ADAMTSL1: variants seen among roughly 807,000 people sequenced by gnomAD.
ADAMTSL1 encodes ADAMTS like 1, also known as ADAMTS-like protein 1.
ADAMTSL1 carries 126 observed loss-of-function variants against 201.8 expected under a neutral mutation model. The observed-to-expected ratio is 0.62, with a 90% CI of 0.54 to 0.72. ADAMTSL1 has a LOEUF of 0.72. ADAMTSL1 is among the 30% of genes least tolerant of loss of function. The pLI, the probability that ADAMTSL1 is intolerant of heterozygous loss-of-function variation, is 0.00. For synonymous variants in ADAMTSL1, 1,121 were observed against 903.4 expected (o/e 1.24, Z -4.32); for missense variants, 2,679 against 2,277.8 (o/e 1.18, Z -3.59).
chr9:17,965,160 T>C (rs1033966095), intron 1 of ADAMTSL1, among the ~76,000 whole-genome samples: 4 of 152,198 alleles, frequency 2.6e-5, no homozygotes, highest in Non-Finnish European at 4.4e-5. Flanking sequence ...TGCAGGCTTG[T>C]AATTTATATT....
intron 4 of ADAMTSL1, among the ~76,000 whole-genome samples, chr9:18,581,722 A>G (rs1409282435): frequency 6.6e-6 from 1 of 152,202 alleles, no homozygotes; most frequent in Non-Finnish European, 1.5e-5. Flanking sequence ...CAAAAAGGGA[A>G]AAACACCAAA....
chr9:18,523,623 G>A (rs866933960), intron 2 of ADAMTSL1, among the ~76,000 whole-genome samples: 3,324 of 150,716 alleles, frequency 0.022, 113 homozygotes, highest in African/African-American at 0.077. Context: ...TTTGTATAAG[G>A]TGTAAGGAAG....
chr9:18,144,141 CTATT>C (rs1826521029), intron 1 of ADAMTSL1, among the ~76,000 whole-genome samples: 1 of 152,124 alleles, frequency 6.6e-6, no homozygotes, highest in African/African-American at 2.4e-5. Context: ...AGTGATGTTT[CTATT>C]AAGGCTATGG....
chr9:18,843,687 G>A (rs1305650148), intron 23 of ADAMTSL1, among the ~76,000 whole-genome samples: 1 of 150,768 alleles, frequency 6.6e-6, no homozygotes, highest in East Asian at 1.9e-4. Context: ...AGACGTAGAT[G>A]TGGTCTTTTC....
intron 1 of ADAMTSL1, among the ~76,000 whole-genome samples, chr9:18,029,279 A>G (rs1411170415): frequency 6.6e-6 from 1 of 152,122 alleles, no homozygotes; most frequent in Non-Finnish European, 1.5e-5. Context: ...TGCCCTGGCC[A>G]GAACAAAGCC....
intron 1 of ADAMTSL1, among the ~76,000 whole-genome samples, chr9:18,151,072 A>G (rs1826887597): frequency 6.6e-6 from 1 of 151,904 alleles, no homozygotes; most frequent in Non-Finnish European, 1.5e-5. Context: ...ATTCTGGAAA[A>G]TGTGTTATGG....
intron 15 of ADAMTSL1, among the ~76,000 whole-genome samples, chr9:18,733,669 C>T (rs1384761796): frequency 1.4e-5 from 2 of 141,412 alleles, no homozygotes; most frequent in Non-Finnish European, 3.1e-5. Context: ...TCTCTCTCTG[C>T]CCCCCACCCC....
intron 2 of ADAMTSL1, among the ~76,000 whole-genome samples, chr9:18,351,408 T>G (rs907274541): frequency 6.6e-6 from 1 of 152,178 alleles, no homozygotes; most frequent in African/African-American, 2.4e-5. Flanking sequence ...GTCATATCTT[T>G]GACCAGATGA....
rs578088189 is a variant in ADAMTSL1 at position 18,894,479 on chromosome 9, C to T, written c.4851+1883C>T. ...ATGAGAATGAAGGTATTGAGCAGTACCAATGGAGAGGAATCCATTTCCTCT... is the reference window on the plus strand; with the variant it reads ...ATGAGAATGAAGGTATTGAGCAGTATCAATGGAGAGGAATCCATTTCCTCT... On this transcript the variant is annotated intron_variant, in intron 26 of 28. Transcript: ENST00000380548. Among the ~76,000 whole-genome samples, 74 of 150,862 alleles carry T rather than the reference C, an allele frequency of 4.9e-4. No homozygotes were observed. The South Asian group carries it at 5.0e-3, about 10-fold the overall frequency.
chr9:18,776,667 T>C, intron 18 of ADAMTSL1, 114 bp from the exon 19 acceptor site: 1 of 1,240,962 alleles, frequency 8.1e-7, no homozygotes, highest in Non-Finnish European at 1.1e-6. Flanking sequence ...TCGTCTCTCC[T>C]TCTCTTCTCC....
intron 2 of ADAMTSL1, among the ~76,000 whole-genome samples, chr9:18,523,776 G>A (rs1218150808): frequency 2.1e-5 from 3 of 139,686 alleles, no homozygotes; most frequent in Non-Finnish European, 3.1e-5. Context: ...ATTTCTGAGG[G>A]CTCTGTTCTG....
intron 2 of ADAMTSL1, among the ~76,000 whole-genome samples, chr9:18,180,532 C>A (rs867987310): frequency 8.6e-3 from 788 of 91,658 alleles, no homozygotes; most frequent in African/African-American, 0.019. Flanking sequence ...GACTCCGTGT[C>A]AAAAAAAAAA....
intron 2 of ADAMTSL1, among the ~76,000 whole-genome samples, chr9:18,410,487 G>A (rs574135449): frequency 1.3e-3 from 196 of 152,210 alleles, no homozygotes; most frequent in Non-Finnish European, 2.0e-3. Flanking sequence ...TTGGTTTTCC[G>A]TTCCTGTGTT....
chr9:18,072,884 TA>T (rs1743194866), intron 1 of ADAMTSL1, among the ~76,000 whole-genome samples: 1 of 152,230 alleles, frequency 6.6e-6, no homozygotes, highest in Non-Finnish European at 1.5e-5. Context: ...GATGAGACGA[TA>T]TTTTTCCTTT....
chr9:18,364,416 CA>C (rs1212511839), intron 2 of ADAMTSL1, among the ~76,000 whole-genome samples: 3 of 152,172 alleles, frequency 2.0e-5, no homozygotes, highest in African/African-American at 7.2e-5. Context: ...GATAATGCCT[CA>C]GGGGTAGAAG....
intron 2 of ADAMTSL1, among the ~76,000 whole-genome samples, chr9:18,437,726 C>G (rs376143749): frequency 6.6e-6 from 1 of 151,828 alleles, no homozygotes. Flanking sequence ...AGCTCTTGAC[C>G]CAGAACAGTG....
chr9:18,324,719 G>A (rs968405769), intron 2 of ADAMTSL1, among the ~76,000 whole-genome samples: 45 of 150,498 alleles, frequency 3.0e-4, no homozygotes, highest in African/African-American at 9.8e-4. Flanking sequence ...AGCTGAGATC[G>A]CGCCATCACA....
intron 1 of ADAMTSL1, among the ~76,000 whole-genome samples, chr9:18,066,955 G>C (rs549029191): frequency 6.6e-6 from 1 of 152,260 alleles, no homozygotes; most frequent in East Asian, 1.9e-4. Flanking sequence ...CATGGACACA[G>C]GAAGGGGAAC....
chr9:18,066,162 C>T (rs1402552838), intron 1 of ADAMTSL1, among the ~76,000 whole-genome samples: 1 of 152,018 alleles, frequency 6.6e-6, no homozygotes, highest in African/African-American at 2.4e-5. Flanking sequence ...ATCCCGAAAA[C>T]AATTTGAGTA....
Sources: gnomAD v4.1 joint callset for allele counts (sites outside exome capture counted in the v4.1 genomes callset) on GRCh38, gnomAD v4.1.1 for gene constraint, MANE v1.5 for transcripts, NCBI Gene and HGNC (gene_info 2026-07-23, HGNC 2026-07-21) for gene names.